CFAP251: variants seen among roughly 807,000 people sequenced by gnomAD.
The protein encoded by CFAP251 is cilia and flagella associated protein 251, also known as cilia- and flagella-associated protein 251.
In CFAP251, 93 loss-of-function variants were observed where a neutral mutation model predicts 126.7. The ratio of observed to expected loss-of-function variants is 0.73; its 90% CI spans 0.62 to 0.87. The LOEUF (loss-of-function observed/expected upper bound fraction) is 0.87, where lower values mean the gene tolerates loss of function less well. Ranked by LOEUF, CFAP251 falls within the 40% of genes least tolerant of loss-of-function variation. The pLI is 0.00. For synonymous variants in CFAP251, 503 were observed against 506.9 expected (o/e 0.99, Z 0.10); for missense variants, 1,287 against 1,389.2 (o/e 0.93, Z 1.17).
chr12:121,975,057 C>A (rs188975814), intron 17 of CFAP251, among the ~76,000 whole-genome samples, 187 bp from the exon 18 acceptor site: 1 of 152,174 alleles, frequency 6.6e-6, no homozygotes, highest in Non-Finnish European at 1.5e-5. Flanking sequence ...CTGAGTTCCA[C>A]GCTTGAAATG....
At position 121,968,081 on chromosome 12, in the gene CFAP251, G is replaced by T. The variant is rs1882210023; in HGVS notation, c.2683G>T (p.Ala895Ser). The T allele has an allele frequency of 6.2e-7, 1 of 1,613,680 alleles. No individual in the cohort carries two copies. Among genetic ancestry groups the T allele is most frequent in the African/African-American group, 1.3e-5 (1 of 74,918 alleles). ...TATTGTTTGCCACCCGAACGGGGTG[G>T]CCGGCATGGCCGTTTCCTATGATGG... ...SAIVCHPNGVAGMAVSYDGCY... is the reference protein window; with the variant it reads ...SAIVCHPNGVSGMAVSYDGCY... The change falls in exon 17 of 22, where the codon GCC (alanine) becomes TCC (serine). Residue 895 changes from alanine (A) to serine (S), a missense_variant. By Grantham distance (99) the Ala-to-Ser change is moderately conservative. Transcript: ENST00000288912.
chr12:121,952,692 T>G (rs1881577455), intron 9 of CFAP251: 1 of 152,216 alleles, frequency 6.6e-6, no homozygotes, highest in South Asian at 2.1e-4. Flanking sequence ...CACCTGATGA[T>G]GAGTTTTCTG....
At chr12:121,965,822 T>TCC (rs1555218995) in intron 15 of CFAP251, among the ~76,000 whole-genome samples, 1,039 of 7,474 alleles carry the variant, frequency 0.14, 5 homozygotes, top group Middle Eastern at 0.4. Context: ...TTCTTCTTCT[T>TCC]TTTTTTTTTT....
At position 121,923,667 on chromosome 12, in the gene CFAP251, G is replaced by A; in HGVS notation, c.424G>A (p.Asp142Asn). The change falls in exon 3 of 22, where the codon GAT (aspartate) becomes AAT (asparagine). Residue 142 changes from aspartate to asparagine, a missense_variant. Transcript: ENST00000288912. ...SKSKLSLQLE[D>N]AETDELLRDL... ...GTCAAAGCTTTCCTTACAATTGGAG[G>A]ATGCAGAAACAGATGAGCTTTTAAG... The A allele has an allele frequency of 6.2e-7, 1 of 1,613,286 alleles. No individual in the cohort carries two copies. Among genetic ancestry groups the A allele is most frequent in the Non-Finnish European group, 8.5e-7 (1 of 1,179,802 alleles).
Position 121,931,878 on chromosome 12 carries a change from C to T in CFAP251, c.880C>T (p.His294Tyr), listed in dbSNP as rs1880707492. ...CAACGTGTTCAGGAACAATCAATACCACCTTCAGGTATGCAGGGATTTCCT... is the reference window on the plus strand; with the variant it reads ...CAACGTGTTCAGGAACAATCAATACTACCTTCAGGTATGCAGGGATTTCCT... ...IYNVFRNNQY[H>Y]LQGHANIISC... The change falls in exon 4 of 22, where the codon CAC (histidine) becomes TAC (tyrosine). Residue 294 changes from histidine to tyrosine, a missense_variant. Coordinates refer to ENST00000288912, the MANE Select transcript of CFAP251 (RefSeq NM_144668.6). 5 of 1,560,488 alleles carry T rather than the reference C, an allele frequency of 3.2e-6. No homozygotes were observed. The Admixed American group carries it at 5.9e-5, about 18-fold the overall frequency.
chr12:121,972,489 A>ATTT (rs1410124157), intron 17 of CFAP251, among the ~76,000 whole-genome samples: 3 of 143,786 alleles, frequency 2.1e-5, no homozygotes, highest in East Asian at 2.0e-4. Context: ...TGGTAGAGTA[A>ATTT]TTTTTTTTTT....
chr12:121,975,164 G>A (rs572245530), intron 17 of CFAP251, 80 bp from the exon 18 acceptor site: 12 of 1,121,402 alleles, frequency 1.1e-5, no homozygotes, highest in South Asian at 3.8e-5. Flanking sequence ...TCAGAGGGCC[G>A]CAGTGCTGTG....
intron 19 of CFAP251, among the ~76,000 whole-genome samples, chr12:121,995,965 G>A (rs565400475): frequency 9.1e-4 from 139 of 152,306 alleles, no homozygotes; most frequent in African/African-American, 2.8e-3. Flanking sequence ...AAATCTCACC[G>A]AAATTGTGAT....
chr12:121,928,642 A>G (rs1296519995), intron 3 of CFAP251, among the ~76,000 whole-genome samples: 3 of 30,044 alleles, frequency 1.0e-4, no homozygotes, highest in Non-Finnish European at 1.9e-4. Flanking sequence ...ATATACGTAT[A>G]TATATATATA....
rs564339203 is a variant in CFAP251 at position 121,970,983 on chromosome 12, G to A, written c.2771+2814G>A. 9.2e-5 allele frequency among the ~76,000 whole-genome samples: 14 copies of A among 152,352 alleles called. 1 individual carries two copies. The South Asian group carries it at 2.7e-3, about 29-fold the overall frequency. Reference sequence around the variant, plus strand: ...TGGGGTCAGTTGACGGTGGCCAGGAGGTAGGGGATGTAGGGGAGCTCTGAA... The same window carrying A: ...TGGGGTCAGTTGACGGTGGCCAGGAAGTAGGGGATGTAGGGGAGCTCTGAA... On this transcript the variant is annotated intron_variant, in intron 17 of 21. Transcript: ENST00000288912.
chr12:121,992,133 G>T, intron 19 of CFAP251: 3 of 893,328 alleles, frequency 3.4e-6, no homozygotes, highest in Non-Finnish European at 4.0e-6. Flanking sequence ...CCACCAGTGC[G>T]TCTGGGCCGC....
rs1429404376 is a variant in CFAP251, at chr12:121,958,326, G to T, written c.1785G>T (p.Gly595=). Residue 595 remains glycine (G), a synonymous_variant, in exon 12 of 22, where the codon GGG becomes GGT. Coordinates refer to ENST00000288912, the MANE Select transcript of CFAP251 (RefSeq NM_144668.6). ...CGGTGTACCACTTAACAACAGATGG[G>T]ACCAAACTTGAGAAGTTATTTGTAG... ...DAAVYHLTTD[G]TKLEKLFVEP... The T allele has an allele frequency of 3.7e-6, 6 of 1,614,150 alleles. No individual in the cohort carries two copies. Among genetic ancestry groups the T allele is most frequent in the Non-Finnish European group, 5.1e-6 (6 of 1,180,024 alleles).
chr12:121,996,050 G>T (rs1479933254), intron 19 of CFAP251, among the ~76,000 whole-genome samples: 1 of 152,140 alleles, frequency 6.6e-6, no homozygotes, highest in African/African-American at 2.4e-5. Flanking sequence ...AGGGTGAAGG[G>T]TACTTGAGAT....
At position 122,002,453 on chromosome 12, in the gene CFAP251, T is replaced by C. The variant is rs550157625; in HGVS notation, c.3337+855T>C. Among the ~76,000 whole-genome samples the C allele has an allele frequency of 2.0e-5, 3 of 152,186 alleles. No individual in the cohort carries two copies. The East Asian group carries it at 5.8e-4, about 29-fold the overall frequency. ...TACTCAGGAGGCTTAAGTGGGAGGA[T>C]GACTTGGGCCCAGGTGTTCACGGCT... On this transcript the variant is annotated intron_variant, in intron 21 of 21. Coordinates refer to ENST00000288912, the MANE Select transcript of CFAP251 (RefSeq NM_144668.6).
intron 1 of CFAP251, among the ~76,000 whole-genome samples, chr12:121,920,014 T>G (rs1880091880): frequency 2.0e-5 from 3 of 151,682 alleles, no homozygotes; most frequent in Non-Finnish European, 4.4e-5. Flanking sequence ...AAACCCTGCC[T>G]CCATTGAAAA....
rs1021643784 is a variant in CFAP251, at chr12:121,974,534, A to G, written c.2772-710A>G. Among the ~76,000 whole-genome samples the G allele has an allele frequency of 6.6e-6, 1 of 152,104 alleles. No homozygotes were observed. Among genetic ancestry groups the G allele is most frequent in the African/African-American group, 2.4e-5 (1 of 41,406 alleles). ...GTCCGTGTGACTCCACACTCTGGAC[A>G]CTTCCCCACTTCCCCACTGTGGTCT... On this transcript the variant is annotated intron_variant, in intron 17 of 21. Coordinates refer to ENST00000288912, the MANE Select transcript of CFAP251 (RefSeq NM_144668.6). This position sits in a 1 kb window ranked among gnomAD's most constrained non-coding sequence, Gnocchi z 4.6.
chr12:121,997,239 C>T (rs746832461), intron 19 of CFAP251: 10 of 152,078 alleles, frequency 6.6e-5, no homozygotes, highest in Non-Finnish European at 1.0e-4. Flanking sequence ...CAAAGGCGTA[C>T]GCCACAACAC....
chr12:121,923,510 C>G, intron 2 of CFAP251, 112 bp from the exon 3 acceptor site: 1 of 1,387,358 alleles, frequency 7.2e-7, no homozygotes, highest in Non-Finnish European at 9.7e-7. Context: ...AAAAACATTT[C>G]ATAATTCCTA....
Position 121,975,286 on chromosome 12 carries a change from C to A in CFAP251, c.2814C>A (p.Thr938=), listed in dbSNP as rs1187068768. ...TTTCTCTTGGGGGTGAAGACTTGAC[C>A]CCATTCTATGGTCTGCTGTCTGGTG... ...AAVSLGGEDL[T]PFYGLLSGGR... The change falls in exon 18 of 22, where the codon ACC becomes ACA. Residue 938 remains threonine, a synonymous_variant. Coordinates refer to ENST00000288912, the MANE Select transcript of CFAP251 (RefSeq NM_144668.6). 2 of 1,614,044 alleles carry A rather than the reference C, an allele frequency of 1.2e-6. No homozygotes were observed. Among genetic ancestry groups the A allele is most frequent in the African/African-American group, 1.3e-5 (1 of 75,008 alleles).
Sources: gnomAD v4.1 joint callset for allele counts (sites outside exome capture counted in the v4.1 genomes callset) on GRCh38, gnomAD v4.1.1 for gene constraint, Gnocchi (gnomAD v3.1) non-coding constraint, MANE v1.5 for transcripts, NCBI Gene and HGNC (gene_info 2026-07-23, HGNC 2026-07-21) for gene names.